The following CCT6A variants were observed in gnomAD, a reference collection of about 807,000 sequenced individuals.
CCT6A encodes chaperonin containing TCP1 subunit 6A, also known as T-complex protein 1 subunit zeta.
Under a neutral mutation model 58.6 loss-of-function variants are expected in CCT6A, and 6 were observed. That is an observed-to-expected ratio of 0.10 (90% CI 0.06 to 0.20). The LOEUF is 0.20. CCT6A is among the 10% of genes least tolerant of loss of function. The pLI is 1.00. For missense variants in CCT6A, 516 were observed against 648.8 expected, an observed-to-expected ratio of 0.80 and a Z score of 2.22; for synonymous variants, 245 against 227.8, an observed-to-expected ratio of 1.08 and a Z score of -0.68.
At chr7:56,055,952 G>A (rs1794295105) in intron 4 of CCT6A, 155 bp downstream of exon 4, 2 of 577,706 alleles carry the variant, frequency 3.5e-6, no homozygotes, top group Non-Finnish European at 5.9e-6. Flanking sequence ...CTAAAAATGA[G>A]GAAATTAAAA....
In CCT6A at chr7:56,058,671, C is replaced by T. The variant is rs1794366809; in HGVS notation, c.937C>T (p.Leu313=). The T allele has an allele frequency of 6.3e-7, 1 of 1,598,524 alleles. No individual in the cohort carries two copies. Among genetic ancestry groups the T allele is most frequent in the Non-Finnish European group, 8.6e-7 (1 of 1,166,734 alleles). Residue 313 remains leucine (L), a synonymous_variant, in exon 8 of 14, where the codon CTG becomes TTG. Transcript: ENST00000275603. ...TCTTTCAAAAGAAGGCATAGTTGCTCTGCGCAGAGCTAAAAGGAGAAATAT... is the reference window on the plus strand; with the variant it reads ...TCTTTCAAAAGAAGGCATAGTTGCTTTGCGCAGAGCTAAAAGGAGAAATAT... ...DALSKEGIVA[L]RRAKRRNMER... is the part of the protein sequence containing the mutation.
In CCT6A at chr7:56,058,077, T is replaced by C. The variant is rs778027927; in HGVS notation, c.699T>C (p.Cys233=). Residue 233 remains cysteine (C), a synonymous_variant, in exon 6 of 14, where the codon TGT becomes TGC. Transcript: ENST00000275603. ...TGGAGGATGCATACATCCTCACTTG[T>C]AACGTGTCATTAGAGTATGAGAAAA... is the stretch of plus-strand genomic sequence containing the variant. ...KRVEDAYILT[C]NVSLEYEKTE... is the part of the protein sequence containing the mutation. The C allele has an allele frequency of 4.4e-6, 7 of 1,600,454 alleles. No homozygotes were observed. The highest frequency in any genetic ancestry group is 6.0e-6 in the Non-Finnish European group (7 of 1,167,700).
At chr7:56,061,690 TTTTTACTATCAG>T in intron 11 of CCT6A, 45 bp from the exon 12 acceptor site, 1 of 560,358 alleles carries the variant, frequency 1.8e-6, no homozygotes, top group Middle Eastern at 4.9e-4. Context: ...TTTTTTTTTT[TTTTTACTATCAG>T]TTATTAGTTC....
At chr7:56,052,633 G>C in intron 2 of CCT6A, 148 bp downstream of exon 2, 1 of 677,266 alleles carries the variant, frequency 1.5e-6, no homozygotes, top group South Asian at 1.8e-5. Flanking sequence ...CCTGGAGTCT[G>C]ACAGCCCTGC....
At chr7:56,061,689 T>A in intron 11 of CCT6A, 58 bp from the exon 12 acceptor site, 1 of 522,464 alleles carries the variant, frequency 1.9e-6, no homozygotes, top group South Asian at 2.3e-5. Flanking sequence ...TTTTTTTTTT[T>A]TTTTTACTAT....
chr7:56,052,334 TA>T, intron 1 of CCT6A, 87 bp from the exon 2 acceptor site: 1 of 1,241,318 alleles, frequency 8.1e-7, no homozygotes, highest in South Asian at 1.2e-5. Context: ...CCTGGCTCCC[TA>T]AAATCTGGGA....
chr7:56,062,294 A>G (rs1794463904), intron 12 of CCT6A, among the ~76,000 whole-genome samples: 1 of 152,226 alleles, frequency 6.6e-6, no homozygotes, highest in Admixed American at 6.5e-5. Flanking sequence ...AAACAACACA[A>G]ATTAAGTACA....
intron 1 of CCT6A, 58 bp downstream of exon 1, chr7:56,052,043 C>G: frequency 7.4e-7 from 1 of 1,351,094 alleles, no homozygotes; most frequent in South Asian, 1.9e-5. Flanking sequence ...GCGCTCCTGG[C>G]GGGCCCGGGA....
intron 1 of CCT6A, 90 bp downstream of exon 1, chr7:56,052,075 C>G (rs993275117): frequency 1.1e-5 from 12 of 1,126,488 alleles, no homozygotes; most frequent in Non-Finnish European, 1.3e-5. Context: ...AGCCCGCCGC[C>G]TCGGGGCTGC....
intron 5 of CCT6A, among the ~76,000 whole-genome samples, chr7:56,057,136 T>C (rs1041456084): frequency 6.6e-6 from 1 of 152,088 alleles, no homozygotes; most frequent in Non-Finnish European, 1.5e-5. Flanking sequence ...CCTGAAGATA[T>C]AAGTTGGATA....
At chr7:56,061,270 C>G (rs1452197746) in intron 11 of CCT6A, among the ~76,000 whole-genome samples, 1 of 151,594 alleles carries the variant, frequency 6.6e-6, no homozygotes, top group Non-Finnish European at 1.5e-5. Flanking sequence ...TAATTTATGA[C>G]TGGTGTATTG....
Position 56,060,355 on chromosome 7 carries a change from C to T in CCT6A, c.1152C>T (p.Leu384=). The T allele has an allele frequency of 6.2e-7, 1 of 1,613,964 alleles. No homozygotes were observed. Among genetic ancestry groups the T allele is most frequent in the Non-Finnish European group, 8.5e-7 (1 of 1,179,858 alleles). Reference sequence around the variant, plus strand: ...TCAAAGGACCAAATAAGCACACACTCACTCAGATCAAAGATGCAGTGAGGG... The same window carrying T: ...TCAAAGGACCAAATAAGCACACACTTACTCAGATCAAAGATGCAGTGAGGG... ...LLIKGPNKHT[L]TQIKDAVRDG... The change falls in exon 10 of 14, where the codon CTC becomes CTT. Residue 384 remains leucine, a synonymous_variant. Coordinates refer to ENST00000275603, the MANE Select transcript of CCT6A (RefSeq NM_001762.4).
At position 56,051,974 on chromosome 7, in the gene CCT6A, C is replaced by A; in HGVS notation, c.126C>A (p.Gly42=). The change falls in exon 1 of 14, where the codon GGC becomes GGA. Residue 42 remains glycine (G), a synonymous_variant. Transcript: ENST00000275603. ...TAAGGACCAACCTGGGGCCCAAGGG[C>A]ACCATGAAGATGTAAGGCGGGGCTG... ...DVLRTNLGPK[G]TMKMLVSGAG... The A allele has an allele frequency of 6.5e-7, 1 of 1,530,386 alleles. No homozygotes were observed. Among genetic ancestry groups the A allele is most frequent in the Non-Finnish European group, 8.8e-7 (1 of 1,138,116 alleles). The allele number at this position is 1,530,386 out of a possible 1,614,324, so 94.8% of individuals were successfully genotyped here. A position where few individuals can be genotyped will look rare whatever the true frequency, so the allele number is the denominator to read the frequency against.
rs34108091 is a variant in CCT6A at position 56,055,274 on chromosome 7, C to CA, written c.337-342dup. 484 of 277,580 alleles carry CA rather than the reference C, an allele frequency of 1.7e-3. 1 individual carries two copies. The highest frequency in any genetic ancestry group is 4.5e-3 in the Middle Eastern group (3 of 670). The allele number at this position is 277,580 out of a possible 1,614,324, so 17.2% of individuals were successfully genotyped here. ...GGGTAACAAGTGCGAAACTCCATCT[C>CA]AAAAAAAATGAAAGAAAATAAAGAT... On this transcript the variant is annotated intron_variant, in intron 3 of 13. Coordinates refer to ENST00000275603, the MANE Select transcript of CCT6A (RefSeq NM_001762.4).
rs374512192 is a variant in CCT6A, at chr7:56,058,386, C to T, written c.750C>T (p.Tyr250=). 6 of 1,572,168 alleles carry T rather than the reference C, an allele frequency of 3.8e-6. No individual in the cohort carries two copies. The highest frequency in any genetic ancestry group is 2.2e-5 in the East Asian group (1 of 44,512). ...GAGAAGTGAATTCTGGCTTTTTTTA[C>T]AAGAGTGCAGAAGAGAGAGAAAAAC... ...EKTEVNSGFF[Y]KSAEEREKLV... The change falls in exon 7 of 14, where the codon TAC becomes TAT. Residue 250 remains tyrosine (Y), a synonymous_variant. Coordinates refer to ENST00000275603, the MANE Select transcript of CCT6A (RefSeq NM_001762.4).
At chr7:56,053,866 C>A (rs954205955) in intron 2 of CCT6A, among the ~76,000 whole-genome samples, 2 of 152,200 alleles carry the variant, frequency 1.3e-5, no homozygotes, top group African/African-American at 4.8e-5. Flanking sequence ...AATGGACACA[C>A]ACAACCACCA....
intron 12 of CCT6A, chr7:56,062,197 C>A (rs1794460912): frequency 9.0e-6 from 2 of 222,954 alleles, no homozygotes; most frequent in Non-Finnish European, 1.8e-5. Flanking sequence ...TGGGTGAAAA[C>A]CAGCTAAAGA....
chr7:56,059,842 T>C (rs1457745398), intron 9 of CCT6A: 2 of 491,802 alleles, frequency 4.1e-6, no homozygotes, highest in Non-Finnish European at 7.2e-6. Flanking sequence ...ACGTGTGTGC[T>C]ACCATGACTG....
chr7:56,057,619 G>A (rs1036479351), intron 5 of CCT6A, among the ~76,000 whole-genome samples: 6 of 152,324 alleles, frequency 3.9e-5, no homozygotes, highest in Non-Finnish European at 8.8e-5. Context: ...AGTGGCTCAT[G>A]CCTGTAATCC....
Sources: gnomAD v4.1 joint callset for allele counts (sites outside exome capture counted in the v4.1 genomes callset) on GRCh38, gnomAD v4.1.1 for gene constraint, MANE v1.5 for transcripts, NCBI Gene and HGNC (gene_info 2026-07-23, HGNC 2026-07-21) for gene names.